The following VWA8 variants were observed in gnomAD, a reference collection of about 807,000 sequenced individuals.
The protein encoded by VWA8 is von Willebrand factor A domain-containing protein 8.
In VWA8, 221 loss-of-function variants were observed where a neutral mutation model predicts 241.5. The ratio of observed to expected loss-of-function variants is 0.91; its 90% confidence interval spans 0.82 to 1.02. The LOEUF is 1.02. Ranked by LOEUF, VWA8 falls within the 50% of genes least tolerant of loss-of-function variation. The pLI, the probability that VWA8 is intolerant of heterozygous loss-of-function variation, is 0.00. For missense variants in VWA8, 2,322 were observed against 2,328.7 expected, an observed-to-expected ratio of 1.00 and a Z score of 0.06; for synonymous variants, 852 against 827.1, an observed-to-expected ratio of 1.03 and a Z score of -0.52.
At chr13:41,817,070 T>C (rs1593791754) in intron 15 of VWA8, among the ~76,000 whole-genome samples, 2 of 152,194 alleles carry the variant, frequency 1.3e-5, no homozygotes, top group East Asian at 3.8e-4. Context: ...AATTTAAAAC[T>C]GGCCCATAGT....
chr13:41,873,025 C>T (rs1223701550), intron 9 of VWA8, among the ~76,000 whole-genome samples: 1 of 152,112 alleles, frequency 6.6e-6, no homozygotes, highest in Non-Finnish European at 1.5e-5. Flanking sequence ...TCCTTCACAT[C>T]CCTTATAAGG....
intron 26 of VWA8, among the ~76,000 whole-genome samples, chr13:41,703,639 T>C (rs992564497): frequency 3.9e-5 from 6 of 152,228 alleles, no homozygotes; most frequent in African/African-American, 1.4e-4. Context: ...GGCAAGGTCC[T>C]GTTTTTACCT....
At chr13:41,662,399 G>GTTGT (rs753780752) in intron 37 of VWA8, among the ~76,000 whole-genome samples, 8 of 152,056 alleles carry the variant, frequency 5.3e-5, no homozygotes, top group Non-Finnish European at 7.4e-5. Flanking sequence ...TTTAGAGAAA[G>GTTGT]TTGTTTGTAA....
At chr13:41,628,460 T>C (rs1020912779) in intron 37 of VWA8, among the ~76,000 whole-genome samples, 1 of 152,226 alleles carries the variant, frequency 6.6e-6, no homozygotes, top group Non-Finnish European at 1.5e-5. Flanking sequence ...CATAAATTCA[T>C]ACACATTTAA....
chr13:41,866,348 C>CAAAA (rs971802530), intron 10 of VWA8, among the ~76,000 whole-genome samples: 3 of 141,840 alleles, frequency 2.1e-5, no homozygotes, highest in African/African-American at 7.8e-5. Flanking sequence ...GACTCTGTCC[C>CAAAA]AAAAAAAAAA....
intron 26 of VWA8, among the ~76,000 whole-genome samples, chr13:41,705,256 C>A (rs932712886): frequency 1.3e-5 from 2 of 148,668 alleles, no homozygotes; most frequent in African/African-American, 5.0e-5. Context: ...GACCCACTTA[C>A]TTCCATCTTT....
chr13:41,852,920 G>C (rs984164948), intron 12 of VWA8, among the ~76,000 whole-genome samples: 10 of 151,982 alleles, frequency 6.6e-5, no homozygotes, highest in African/African-American at 2.2e-4. Context: ...GATTGCTTTG[G>C]CTATTTGAGG....
At chr13:41,887,489 T>C (rs1874605279) in intron 5 of VWA8, 128 bp from the exon 6 acceptor site, 2 of 1,012,478 alleles carry the variant, frequency 2.0e-6, no homozygotes, top group South Asian at 2.0e-5. Context: ...CTCAAATCCA[T>C]ACTGTCAAGG....
At chr13:41,575,922 C>A in intron 42 of VWA8, 84 bp from the exon 43 acceptor site, 2 of 993,354 alleles carry the variant, frequency 2.0e-6, no homozygotes, top group Non-Finnish European at 1.5e-6. Context: ...CTCTTTGGAC[C>A]ATTATTGTCC....
Position 41,830,577 on chromosome 13 carries a change from A to C in VWA8, c.1652T>G (p.Met551Arg), listed in dbSNP as rs1446689297. ...GSRLLREDRY[M>R]RLKEELQLSD... ...CAGTTGCAGCTCCTCCTTTAAACGC[A>C]TATACCTGTCTTCTCTCAGCAGCCT... Residue 551 changes from methionine (M) to arginine (R), a missense_variant, in exon 14 of 45, where the codon ATG becomes AGG. Transcript: ENST00000379310. The C allele has an allele frequency of 6.2e-7, 1 of 1,613,964 alleles. No individual in the cohort carries two copies. The highest frequency in any genetic ancestry group is 1.3e-5 in the African/African-American group (1 of 75,040).
intron 17 of VWA8, among the ~76,000 whole-genome samples, chr13:41,805,867 C>A (rs531008427): frequency 1.3e-5 from 2 of 151,954 alleles, no homozygotes; most frequent in African/African-American, 2.4e-5. Context: ...GCACTACAGA[C>A]CAAACTGACC....
intron 37 of VWA8, among the ~76,000 whole-genome samples, chr13:41,665,150 A>G (rs1312035862): frequency 6.6e-6 from 1 of 152,170 alleles, no homozygotes; most frequent in Non-Finnish European, 1.5e-5. Context: ...GTATTTGAGT[A>G]ATACTGTTTC....
chr13:41,830,884 G>A (rs1279730651), intron 13 of VWA8, among the ~76,000 whole-genome samples: 1 of 151,828 alleles, frequency 6.6e-6, no homozygotes, highest in African/African-American at 2.4e-5. Flanking sequence ...AGGGGGAGGA[G>A]GAGGAAAAAA....
chr13:41,686,089 A>G (rs925669089), intron 34 of VWA8, among the ~76,000 whole-genome samples: 3 of 152,178 alleles, frequency 2.0e-5, no homozygotes, highest in African/African-American at 7.2e-5. Flanking sequence ...ACTTTTGCCC[A>G]TAGCAACAGT....
At position 41,865,543 on chromosome 13, in the gene VWA8, G is replaced by T. The variant is rs1873249730; in HGVS notation, c.1425+193C>A. 6 of 573,024 alleles carry T rather than the reference G, an allele frequency of 1.0e-5. No homozygotes were observed. In the South Asian group the frequency reaches 1.3e-4, roughly 13 times the overall value. 35.5% of individuals were successfully genotyped at this position (573,024 alleles called of 1,614,324 possible). On this transcript the variant is annotated intron_variant, in intron 12 of 44. Transcript: ENST00000379310. ...AGCCCCTGGTATGTTGTGCACATCA[G>T]ATATCCTAGAATGTACTTTCAAAAG...
intron 2 of VWA8, among the ~76,000 whole-genome samples, chr13:41,942,848 G>A (rs1276998068): frequency 6.6e-6 from 1 of 152,198 alleles, no homozygotes; most frequent in Non-Finnish European, 1.5e-5. Context: ...GGGCCAGATA[G>A]CTGAGATAAA....
intron 2 of VWA8, among the ~76,000 whole-genome samples, chr13:41,941,079 TGTG>T (rs1004646315): frequency 6.6e-6 from 1 of 151,962 alleles, no homozygotes; most frequent in African/African-American, 2.4e-5. Flanking sequence ...AACAAGAAAA[TGTG>T]GTGATTTTTG....
chr13:41,629,504 C>T (rs2044713497), intron 37 of VWA8, among the ~76,000 whole-genome samples: 1 of 152,010 alleles, frequency 6.6e-6, no homozygotes, highest in Non-Finnish European at 1.5e-5. Flanking sequence ...CTAAACATGC[C>T]AAGAAAACAA....
rs9562362 is a variant in VWA8 at position 41,891,577 on chromosome 13, C to T, written c.494G>A (p.Arg165His). 0.29 allele frequency: 475,101 copies of T among 1,613,636 alleles called. 73,353 individuals carry two copies. The highest frequency in any genetic ancestry group is 0.31 in the Non-Finnish European group (368,687 of 1,179,756). ...GAGAGTTCTGCCTTCTGTGGCTGCA[C>T]GAACTGCACACTATTTCCAAGAAAC... The part of the protein sequence containing the change: ...TAFYIDQCAV[R>H]AATEGRTLIL... Residue 165 changes from arginine to histidine, a missense_variant, in exon 5 of 45, where the codon CGT (arginine) becomes CAT (histidine). Arg to His is a conservative substitution (Grantham distance 29, BLOSUM62 0). Transcript: ENST00000379310.
Sources: gnomAD v4.1 joint callset for allele counts (sites outside exome capture counted in the v4.1 genomes callset) on GRCh38, gnomAD v4.1.1 for gene constraint, MANE v1.5 for transcripts, NCBI Gene and HGNC (gene_info 2026-07-23, HGNC 2026-07-21) for gene names.